The following NGEF variants were observed in gnomAD, a reference collection of about 807,000 sequenced individuals.
The protein encoded by NGEF is neuronal guanine nucleotide exchange factor.
NGEF carries 31 observed loss-of-function variants against 80.9 expected under a neutral mutation model. The ratio of observed to expected loss-of-function variants is 0.38; its 90% CI spans 0.29 to 0.52. NGEF has a LOEUF of 0.52. Among genes scored for constraint, NGEF ranks in the 20% least tolerant of loss-of-function variants. The probability of loss-of-function intolerance (pLI) is 0.84; values close to 1 mark genes in which losing one functional copy is unlikely to be tolerated. For missense variants in NGEF, 709 were observed against 926.2 expected (o/e 0.77, Z 3.04); for synonymous variants, 371 against 370.2 (o/e 1.00, Z -0.03).
At chr2:232,991,693 C>T (rs183588800) in intron 1 of NGEF, among the ~76,000 whole-genome samples, 120 of 152,250 alleles carry the variant, frequency 7.9e-4, no homozygotes, top group African/African-American at 2.2e-3. Flanking sequence ...ATATTCAACA[C>T]GACTTGATTA....
intron 10 of NGEF, 42 bp from the exon 11 acceptor site, chr2:232,884,186 G>A: frequency 3.9e-6 from 6 of 1,528,974 alleles, no homozygotes; most frequent in Non-Finnish European, 5.3e-6. Flanking sequence ...TGCCCACAAT[G>A]TCCCTCCCCA....
intron 6 of NGEF, among the ~76,000 whole-genome samples, chr2:232,894,325 C>T (rs1198071091): frequency 6.6e-6 from 1 of 152,232 alleles, no homozygotes; most frequent in Non-Finnish European, 1.5e-5. Context: ...CTGCACAGGG[C>T]CTGAGGCCCT....
chr2:233,009,471 C>T (rs1574669376), intron 1 of NGEF, among the ~76,000 whole-genome samples: 1 of 152,160 alleles, frequency 6.6e-6, no homozygotes, highest in South Asian at 2.1e-4. Flanking sequence ...GGACACCCCA[C>T]TGCACCCGGT....
chr2:232,921,080 G>C (rs1457686551), intron 4 of NGEF, among the ~76,000 whole-genome samples: 1 of 152,104 alleles, frequency 6.6e-6, no homozygotes, highest in African/African-American at 2.4e-5. Flanking sequence ...GATTTAAAAA[G>C]GGAAACATTC....
intron 3 of NGEF, among the ~76,000 whole-genome samples, chr2:232,950,385 AG>A (rs1693652984): frequency 6.6e-6 from 1 of 152,228 alleles, no homozygotes; most frequent in Non-Finnish European, 1.5e-5. Context: ...TTCTTTCTAA[AG>A]GATTTGTAGA....
At chr2:233,010,075 T>C (rs781417911) in intron 1 of NGEF, among the ~76,000 whole-genome samples, 14 of 152,148 alleles carry the variant, frequency 9.2e-5, no homozygotes, top group Admixed American at 4.6e-4. Context: ...GTATTTTTAG[T>C]AGAGATGGGG....
chr2:232,896,810 G>A (rs1400272053), intron 5 of NGEF, among the ~76,000 whole-genome samples: 6 of 111,242 alleles, frequency 5.4e-5, no homozygotes, highest in Non-Finnish European at 9.2e-5. Flanking sequence ...GTAGGGGTGA[G>A]GGTAGGGGTA....
chr2:232,951,345 G>A (rs1403317040), intron 3 of NGEF, among the ~76,000 whole-genome samples: 2 of 152,096 alleles, frequency 1.3e-5, no homozygotes, highest in East Asian at 1.9e-4. Flanking sequence ...CCTTGAACTC[G>A]GATCCAGCCA....
chr2:232,978,978 C>T (rs938930417), intron 1 of NGEF, among the ~76,000 whole-genome samples: 2 of 152,190 alleles, frequency 1.3e-5, no homozygotes, highest in Non-Finnish European at 2.9e-5. Flanking sequence ...GCTGCTCTGT[C>T]GACGTTGCCT....
At chr2:232,906,121 G>T (rs1399798693) in intron 5 of NGEF, among the ~76,000 whole-genome samples, 1 of 93,610 alleles carries the variant, frequency 1.1e-5, no homozygotes, top group African/African-American at 3.8e-5. Flanking sequence ...AGGGAGGTGG[G>T]GGTCTCAGCC....
rs570095231 is a variant in NGEF, at chr2:233,007,910, C to A, written c.-75+5158G>T. On this transcript the variant is annotated intron_variant, in intron 1 of 14. Transcript: ENST00000264051. ...CCAGATGCCCTTTTCAATCCAGAAA[C>A]AACTTTAAAATCATTTTAAAGTCCA... Among the ~76,000 whole-genome samples, 3 of 152,322 alleles carry A rather than the reference C, an allele frequency of 2.0e-5. No individual in the cohort carries two copies. In the South Asian group the frequency reaches 6.2e-4, roughly 32 times the overall value.
intron 1 of NGEF, chr2:233,012,792 CACTT>C (rs1695240870): frequency 2.1e-6 from 1 of 468,672 alleles, no homozygotes; most frequent in Non-Finnish European, 4.4e-6. Context: ...CTTTTGATCT[CACTT>C]ACCCCACAGC....
intron 14 of NGEF, among the ~76,000 whole-genome samples, chr2:232,880,421 G>A (rs1691458367): frequency 1.3e-5 from 2 of 152,224 alleles, no homozygotes; most frequent in Admixed American, 6.5e-5. Context: ...ATGGGAAGAG[G>A]GCAGGAGAGC....
intron 3 of NGEF, 31 bp downstream of exon 3, chr2:232,970,183 C>G: frequency 1.5e-6 from 2 of 1,332,614 alleles, no homozygotes; most frequent in Non-Finnish European, 2.1e-6. Flanking sequence ...CTTTCCCAGA[C>G]CAGCATTCCT....
rs530496076 is a variant in NGEF, at chr2:232,948,045, C to T, written c.384-20859G>A. Among the ~76,000 whole-genome samples the T allele has an allele frequency of 3.2e-3, 487 of 152,118 alleles. 2 individuals carry two copies. Among genetic ancestry groups the T allele is most frequent in the African/African-American group, 0.011 (453 of 41,488 alleles). ...AGAGTTTCATTCAATCTTTTTAATA[C>T]GGCCCAAGTGGCATGATTAAATTTT... On this transcript the variant is annotated intron_variant, in intron 3 of 14. Transcript: ENST00000264051.
rs544764166 is a variant in NGEF at position 232,934,084 on chromosome 2, A to C, written c.384-6898T>G. ...TGGTGAAACCCTGTCTCTAGTAAAA[A>C]TACGAAAATTAGCTGGGCGTGATGG... On this transcript the variant is annotated intron_variant, in intron 3 of 14. Transcript: ENST00000264051. Among the ~76,000 whole-genome samples the C allele has an allele frequency of 2.0e-5, 3 of 152,212 alleles. No homozygotes were observed. The East Asian group carries it at 5.8e-4, about 29-fold the overall frequency.
At chr2:232,888,227 C>T (rs903084898) in intron 8 of NGEF, 120 bp from the exon 9 acceptor site, 26 of 663,388 alleles carry the variant, frequency 3.9e-5, no homozygotes, top group East Asian at 2.6e-5. Context: ...AGCATGCACA[C>T]ACACACACAC....
At chr2:232,936,164 A>C (rs1386138424) in intron 3 of NGEF, among the ~76,000 whole-genome samples, 2 of 152,140 alleles carry the variant, frequency 1.3e-5, no homozygotes, top group Non-Finnish European at 2.9e-5. Flanking sequence ...GGATGAAGAG[A>C]TTTTGCCACA....
At chr2:232,958,787 AT>A (rs2106312372) in intron 3 of NGEF, among the ~76,000 whole-genome samples, 1 of 152,320 alleles carries the variant, frequency 6.6e-6, no homozygotes, top group South Asian at 2.1e-4. Flanking sequence ...ATATACTGAA[AT>A]AGACAGAAAA....
Sources: gnomAD v4.1 joint callset for allele counts (sites outside exome capture counted in the v4.1 genomes callset) on GRCh38, gnomAD v4.1.1 for gene constraint, MANE v1.5 for transcripts, NCBI Gene and HGNC (gene_info 2026-07-23, HGNC 2026-07-21) for gene names.